The following JAM2 variants were observed in gnomAD, a reference collection of about 807,000 sequenced individuals.
JAM2 encodes junctional adhesion molecule 2, also known as junctional adhesion molecule B.
Under a neutral mutation model 42.0 loss-of-function variants are expected in JAM2, and 17 were observed. That is an observed-to-expected ratio of 0.40 (90% CI 0.28 to 0.61). The LOEUF (loss-of-function observed/expected upper bound fraction) is 0.61, where lower values mean the gene tolerates loss of function less well. Ranked by LOEUF, JAM2 falls within the 20% of genes least tolerant of loss-of-function variation. JAM2 has a pLI of 0.37. For missense variants in JAM2, 319 were observed against 358.3 expected, an observed-to-expected ratio of 0.89 and a Z score of 0.89; for synonymous variants, 118 against 128.6, an observed-to-expected ratio of 0.92 and a Z score of 0.56.
chr21:25,692,430 TGACA>T (rs1321475491), intron 3 of JAM2: 4 of 205,096 alleles, frequency 2.0e-5, no homozygotes, highest in African/African-American at 4.7e-5. Context: ...GCATATGGAC[TGACA>T]GACAGGTCAG....
At chr21:25,682,470 C>A (rs903209946) in intron 1 of JAM2, among the ~76,000 whole-genome samples, 5 of 152,224 alleles carry the variant, frequency 3.3e-5, no homozygotes, top group Non-Finnish European at 5.9e-5. Flanking sequence ...GCAGGACGTG[C>A]GACAGGGGTG....
At position 25,693,777 on chromosome 21, in the gene JAM2, A is replaced by G; in HGVS notation, c.263A>G (p.Glu88Gly). ...AAAGGTGATTTTAAAAATCGAGCTG[A>G]GATGATAGATTTCAATATCCGGATC... ...TLQGDFKNRA[E>G]MIDFNIRIKN... Residue 88 changes from glutamate (E) to glycine (G), a missense_variant, in exon 4 of 10, where the codon GAG (glutamate) becomes GGG (glycine). Coordinates refer to ENST00000480456, the MANE Select transcript of JAM2 (RefSeq NM_021219.4). The G allele has an allele frequency of 6.2e-7, 1 of 1,613,936 alleles. No homozygotes were observed. The highest frequency in any genetic ancestry group is 8.5e-7 in the Non-Finnish European group (1 of 1,179,810).
Position 25,702,251 on chromosome 21 carries a change from G to A in JAM2, c.679G>A (p.Gly227Arg). 1.9e-6 allele frequency: 3 copies of A among 1,594,502 alleles called. No individual in the cohort carries two copies. The highest frequency in any genetic ancestry group is 1.1e-5 in the South Asian group (1 of 89,072). Residue 227 changes from glycine (G) to arginine (R), a missense_variant, in exon 6 of 10, where the codon GGG becomes AGG. Transcript: ENST00000480456. ...TTCTGTTGGATATCGCAGGTGTCCT[G>A]GGAAACGAATGCAAGTAGGTAAGCA... ...RNSVGYRRCP[G>R]KRMQVDDLNI...
intron 1 of JAM2, among the ~76,000 whole-genome samples, chr21:25,664,259 A>G (rs972546042): frequency 6.6e-6 from 1 of 151,304 alleles, no homozygotes; most frequent in Non-Finnish European, 1.5e-5. Context: ...TTTTTGAGAC[A>G]GAGTCTTTCT....
chr21:25,678,004 C>T (rs1003441110), intron 1 of JAM2, among the ~76,000 whole-genome samples: 1 of 152,040 alleles, frequency 6.6e-6, no homozygotes, highest in Non-Finnish European at 1.5e-5. Context: ...CAGGCCGAGG[C>T]AGGTGGATCA....
intron 5 of JAM2, among the ~76,000 whole-genome samples, chr21:25,699,648 G>C (rs980916504): frequency 6.7e-6 from 1 of 149,604 alleles, no homozygotes; most frequent in Non-Finnish European, 1.5e-5. Context: ...GCGTGAACCC[G>C]GGAGGCGGAG....
chr21:25,715,692 C>T lies in JAM2; in HGVS notation c.*1020C>T, dbSNP rs1384085495. The T allele has an allele frequency of 2.0e-5, 3 of 152,186 alleles. No individual in the cohort carries two copies. The highest frequency in any genetic ancestry group is 4.4e-5 in the Non-Finnish European group (3 of 68,044). 9.4% of individuals were successfully genotyped at this position (152,186 alleles called of 1,614,324 possible). On this transcript the variant is annotated 3_prime_UTR_variant, in exon 10 of 10. Transcript: ENST00000480456. ...CCTGCATCTGGTACCCCTCTTGAAA[C>T]ACAGTGGGCACATGAGCAATGGCTC...
chr21:25,655,789 C>A (rs754625852), intron 1 of JAM2, among the ~76,000 whole-genome samples: 11 of 151,268 alleles, frequency 7.3e-5, no homozygotes, highest in Admixed American at 6.6e-4. Flanking sequence ...AGCCACCGTG[C>A]CCAGTCGAAA....
intron 6 of JAM2, among the ~76,000 whole-genome samples, chr21:25,703,963 C>T (rs966152293): frequency 6.6e-6 from 1 of 152,068 alleles, no homozygotes; most frequent in Non-Finnish European, 1.5e-5. Flanking sequence ...CATACTACAA[C>T]TTAGCACTTA....
chr21:25,714,464 G>A (rs2034443161), intron 9 of JAM2, 176 bp from the exon 10 acceptor site: 2 of 529,250 alleles, frequency 3.8e-6, no homozygotes, highest in East Asian at 4.6e-5. Flanking sequence ...CGCCACTGCA[G>A]TCCAGCCTGG....
intron 7 of JAM2, among the ~76,000 whole-genome samples, chr21:25,707,027 C>T (rs955404852): frequency 7.2e-5 from 11 of 152,102 alleles, no homozygotes; most frequent in African/African-American, 1.9e-4. Flanking sequence ...TGTGAGCCAC[C>T]GCGCCCAGAC....
In JAM2 at chr21:25,705,984, C is replaced by T. The variant is rs7277917; in HGVS notation, c.703C>T (p.Leu235Phe). 4.8e-4 allele frequency: 765 copies of T among 1,604,958 alleles called. 3 individuals are homozygous for T. In the African/African-American group the frequency reaches 9.2e-3, roughly 19 times the overall value. ...TAATTTATTTTACATTCCAGATGAT[C>T]TCAACATAAGTGGCATCATAGCAGC... ...CPGKRMQVDD[L>F]NISGIIAAVV... The change falls in exon 7 of 10, where the codon CTC becomes TTC. Residue 235 changes from leucine (L) to phenylalanine (F), a missense_variant. Physicochemically the swap from Leu to Phe is conservative, Grantham distance 22. Coordinates refer to ENST00000480456, the MANE Select transcript of JAM2 (RefSeq NM_021219.4).
chr21:25,697,907 C>CA (rs746185836), intron 4 of JAM2, among the ~76,000 whole-genome samples: 3,365 of 141,268 alleles, frequency 0.024, 120 homozygotes, highest in African/African-American at 0.079. Context: ...GATTCTGTCT[C>CA]AAAAAAAAAA....
In JAM2 at chr21:25,682,571, G is replaced by A. The variant is rs375437076; in HGVS notation, c.68-1312G>A. ...CAGCTGCAGGAGCCCATGTGGGTGT[G>A]TGTTACAATGTGCCCTTTTAGCCTT... On this transcript the variant is annotated intron_variant, in intron 1 of 9. Coordinates refer to ENST00000480456, the MANE Select transcript of JAM2 (RefSeq NM_021219.4). 2.0e-5 allele frequency among the ~76,000 whole-genome samples: 3 copies of A among 152,322 alleles called. No homozygotes were observed. In the East Asian group the frequency reaches 5.8e-4, roughly 29 times the overall value.
At chr21:25,669,371 CA>C (rs749124768) in intron 1 of JAM2, among the ~76,000 whole-genome samples, 1 of 132,186 alleles carries the variant, frequency 7.6e-6, no homozygotes, top group African/African-American at 3.1e-5. Flanking sequence ...AACCCTGTCT[CA>C]AAAAAAAGAA....
intron 1 of JAM2, among the ~76,000 whole-genome samples, chr21:25,676,318 A>T (rs564392070): frequency 2.8e-4 from 42 of 151,576 alleles, no homozygotes; most frequent in African/African-American, 1.0e-3. Flanking sequence ...AAGAAAAAAA[A>T]AAAACAACTT....
At chr21:25,676,245 G>A (rs1042664921) in intron 1 of JAM2, among the ~76,000 whole-genome samples, 13 of 127,026 alleles carry the variant, frequency 1.0e-4, no homozygotes, top group Admixed American at 2.0e-4. Flanking sequence ...CCAAGATCAC[G>A]CCACTGCACT....
At chr21:25,704,220 C>T (rs374149296) in intron 6 of JAM2, among the ~76,000 whole-genome samples, 1 of 152,010 alleles carries the variant, frequency 6.6e-6, no homozygotes, top group Non-Finnish European at 1.5e-5. Context: ...AGATTTTTTT[C>T]TCTCTCTGCT....
At chr21:25,687,518 G>A (rs2033775908) in intron 2 of JAM2, among the ~76,000 whole-genome samples, 5 of 152,174 alleles carry the variant, frequency 3.3e-5, no homozygotes, top group Admixed American at 3.3e-4. Flanking sequence ...TGAGAGTTAG[G>A]TTGTAAGTTC....
Sources: gnomAD v4.1 joint callset for allele counts (sites outside exome capture counted in the v4.1 genomes callset) on GRCh38, gnomAD v4.1.1 for gene constraint, MANE v1.5 for transcripts, NCBI Gene and HGNC (gene_info 2026-07-23, HGNC 2026-07-21) for gene names.